The following NECAB1 variants were observed in gnomAD, a reference collection of about 807,000 sequenced individuals.
NECAB1 encodes N-terminal EF-hand calcium binding protein 1.
NECAB1 carries 29 observed loss-of-function variants against 57.5 expected under a neutral mutation model. That is an observed-to-expected ratio of 0.50 (90% CI 0.38 to 0.69). NECAB1 has a LOEUF of 0.69. NECAB1 is among the 30% of genes least tolerant of loss of function. NECAB1 has a pLI of 0.00. For synonymous variants in NECAB1, 142 were observed against 147.7 expected, an observed-to-expected ratio of 0.96 and a Z score of 0.28; for missense variants, 372 against 413.8, an observed-to-expected ratio of 0.90 and a Z score of 0.88.
chr8:90,840,739 G>C lies in NECAB1; in HGVS notation c.233+15914G>C, dbSNP rs150010811. Among the ~76,000 whole-genome samples, 422 of 152,184 alleles carry C rather than the reference G, an allele frequency of 2.8e-3. 2 individuals are homozygous for C. The highest frequency in any genetic ancestry group is 6.3e-3 in the Admixed American group (96 of 15,284). On this transcript the variant is annotated intron_variant, in intron 3 of 12. Coordinates refer to ENST00000417640, the MANE Select transcript of NECAB1 (RefSeq NM_022351.5). ...GTCTTAGAGTGCAGAACCACATAAC[G>C]CACAGTCATTGCTCATTGCCGGCTC...
At chr8:90,951,081 T>A (rs770384441) in intron 11 of NECAB1, 32 bp from the exon 12 acceptor site, 1 of 1,321,642 alleles carries the variant, frequency 7.6e-7, no homozygotes, top group Non-Finnish European at 1.1e-6. Flanking sequence ...TAAATAAAAA[T>A]GCACAGCCTT....
chr8:90,867,928 T>C (rs978143645), intron 3 of NECAB1, among the ~76,000 whole-genome samples: 3 of 152,146 alleles, frequency 2.0e-5, no homozygotes, highest in Non-Finnish European at 2.9e-5. Flanking sequence ...TCAAATCTCA[T>C]GTTGAATTAT....
At chr8:90,879,016 A>G (rs1808782122) in intron 4 of NECAB1, among the ~76,000 whole-genome samples, 2 of 143,350 alleles carry the variant, frequency 1.4e-5, no homozygotes, top group Admixed American at 1.4e-4. Flanking sequence ...TATATTATAT[A>G]TAATATATAT....
At chr8:90,796,737 C>T (rs1028967739) in intron 1 of NECAB1, among the ~76,000 whole-genome samples, 4 of 152,128 alleles carry the variant, frequency 2.6e-5, no homozygotes, top group African/African-American at 9.7e-5. Context: ...ATTCTGGTAC[C>T]ATAACGTAAT....
intron 4 of NECAB1, among the ~76,000 whole-genome samples, chr8:90,875,740 C>T (rs1005118220): frequency 1.1e-4 from 17 of 150,404 alleles, no homozygotes; most frequent in East Asian, 9.9e-4. Context: ...GGGCCGGGCG[C>T]GGTGGCTCAC....
At chr8:90,878,110 C>T (rs542956099) in intron 4 of NECAB1, among the ~76,000 whole-genome samples, 1 of 151,958 alleles carries the variant, frequency 6.6e-6, no homozygotes, top group East Asian at 1.9e-4. Context: ...AATTTCGGCT[C>T]ACTGCAACCT....
chr8:90,861,409 A>G (rs1309990985), intron 3 of NECAB1, among the ~76,000 whole-genome samples: 1 of 152,200 alleles, frequency 6.6e-6, no homozygotes, highest in Admixed American at 6.5e-5. Flanking sequence ...AATATTAAAG[A>G]GCATCTCATG....
chr8:90,844,727 C>T (rs1482967662), intron 3 of NECAB1, among the ~76,000 whole-genome samples: 3 of 152,158 alleles, frequency 2.0e-5, no homozygotes, highest in African/African-American at 7.2e-5. Context: ...CTCCCTTGTT[C>T]TAGGGAATCT....
At chr8:90,833,822 T>C (rs2129727394) in intron 3 of NECAB1, among the ~76,000 whole-genome samples, 1 of 152,178 alleles carries the variant, frequency 6.6e-6, no homozygotes, top group South Asian at 2.1e-4. Context: ...TCAAGAATGG[T>C]CAGTTTAAGA....
intron 2 of NECAB1, among the ~76,000 whole-genome samples, chr8:90,814,321 A>G (rs563613757): frequency 8.5e-5 from 13 of 152,292 alleles, no homozygotes; most frequent in African/African-American, 3.1e-4. Context: ...GCTGATGTTG[A>G]TATTGATCAC....
intron 4 of NECAB1, among the ~76,000 whole-genome samples, chr8:90,877,290 C>T (rs1172172288): frequency 6.6e-6 from 1 of 152,164 alleles, no homozygotes; most frequent in Non-Finnish European, 1.5e-5. Context: ...TACCTCCCTT[C>T]TCTCTTGATG....
intron 3 of NECAB1, among the ~76,000 whole-genome samples, chr8:90,871,447 T>C (rs750892266): frequency 2.0e-4 from 31 of 152,180 alleles, no homozygotes; most frequent in Non-Finnish European, 4.0e-4. Flanking sequence ...TCATGTATTA[T>C]ATTTGCTAAT....
chr8:90,917,712 G>A (rs1395805288), intron 6 of NECAB1, 84 bp downstream of exon 6: 4 of 1,293,424 alleles, frequency 3.1e-6, no homozygotes, highest in African/African-American at 1.5e-5. Flanking sequence ...ACTTACACTA[G>A]CAAAAACTAA....
intron 10 of NECAB1, among the ~76,000 whole-genome samples, chr8:90,945,809 A>G (rs1429322220): frequency 6.6e-6 from 1 of 152,178 alleles, no homozygotes; most frequent in African/African-American, 2.4e-5. Context: ...CTCGAGGTTG[A>G]AGCTTTTGGG....
chr8:90,816,922 T>C (rs993521198), intron 2 of NECAB1, among the ~76,000 whole-genome samples: 1 of 151,758 alleles, frequency 6.6e-6, no homozygotes, highest in African/African-American at 2.4e-5. Context: ...CTTAATGATA[T>C]TGAGTTTCCA....
rs117664517 is a variant in NECAB1 at position 90,861,492 on chromosome 8, G to A, written c.234-10636G>A. 7.4e-4 allele frequency among the ~76,000 whole-genome samples: 112 copies of A among 152,208 alleles called. 2 individuals are homozygous for A. The East Asian group carries it at 0.02, about 28-fold the overall frequency. On this transcript the variant is annotated intron_variant, in intron 3 of 12. Transcript: ENST00000417640. ...GGAATAGGCTAGGCTTTGCAACACC[G>A]TCCTCTCCTGATGAAAAGTAATCAA...
chr8:90,837,385 G>A (rs1053040868), intron 3 of NECAB1, among the ~76,000 whole-genome samples: 6 of 152,216 alleles, frequency 3.9e-5, no homozygotes, highest in African/African-American at 1.4e-4. Flanking sequence ...GGCAGGTATT[G>A]TATACAGTGT....
At chr8:90,940,232 A>G (rs1459337040) in intron 9 of NECAB1, 1 of 152,854 alleles carries the variant, frequency 6.5e-6, no homozygotes, top group Non-Finnish European at 1.5e-5. Context: ...TGTGTTTGAC[A>G]ACCCTGTAAT....
At chr8:90,794,554 A>C (rs966713917) in intron 1 of NECAB1, among the ~76,000 whole-genome samples, 1 of 152,180 alleles carries the variant, frequency 6.6e-6, no homozygotes, top group South Asian at 2.1e-4. Context: ...TACTGAGAAC[A>C]CTATTAATGA....
Sources: gnomAD v4.1 joint callset for allele counts (sites outside exome capture counted in the v4.1 genomes callset) on GRCh38, gnomAD v4.1.1 for gene constraint, MANE v1.5 for transcripts, NCBI Gene and HGNC (gene_info 2026-07-23, HGNC 2026-07-21) for gene names.